TENM4: variants seen among roughly 807,000 people sequenced by gnomAD.
The protein encoded by TENM4 is teneurin transmembrane protein 4.
A neutral mutation model predicts 243.3 loss-of-function variants in TENM4; 82 were observed. That is an observed-to-expected ratio of 0.34 (90% CI 0.28 to 0.40). The LOEUF is 0.40. Ranked by LOEUF, TENM4 falls within the 10% of genes least tolerant of loss-of-function variation. The probability of loss-of-function intolerance (pLI) is 1.00; values close to 1 mark genes in which losing one functional copy is unlikely to be tolerated. For missense variants in TENM4, 3,138 were observed against 3,673.3 expected, an observed-to-expected ratio of 0.85 and a Z score of 3.77; for synonymous variants, 1,412 against 1,456.3, an observed-to-expected ratio of 0.97 and a Z score of 0.69.
intron 2 of TENM4, among the ~76,000 whole-genome samples, chr11:79,267,390 G>T (rs1034420501): frequency 6.6e-6 from 1 of 152,164 alleles, no homozygotes; most frequent in Admixed American, 6.5e-5. Flanking sequence ...AATATGAGAA[G>T]AATGCCAGAA....
chr11:79,374,918 G>C (rs760792432), intron 1 of TENM4, among the ~76,000 whole-genome samples: 1 of 152,192 alleles, frequency 6.6e-6, no homozygotes, highest in Non-Finnish European at 1.5e-5. Flanking sequence ...TGGCTGCAAC[G>C]ACGGGCAAGC....
chr11:78,917,304 G>A (rs1040188714), intron 6 of TENM4, among the ~76,000 whole-genome samples: 2 of 152,130 alleles, frequency 1.3e-5, no homozygotes, highest in Admixed American at 6.5e-5. Flanking sequence ...TACCTTCACC[G>A]AAGAGCGGCC....
Position 79,127,916 on chromosome 11 carries a change from A to G in TENM4, c.-66+20794T>C, listed in dbSNP as rs142802345. ...GCTGCATTTGACCCCTCCTACAACCAAGAAAGAGGCACAATGCCTAGTGGG... is the reference window on the plus strand; with the variant it reads ...GCTGCATTTGACCCCTCCTACAACCGAGAAAGAGGCACAATGCCTAGTGGG... On this transcript the variant is annotated intron_variant, in intron 4 of 33. Coordinates refer to ENST00000278550, the MANE Select transcript of TENM4 (RefSeq NM_001098816.3). Among the ~76,000 whole-genome samples the G allele has an allele frequency of 9.7e-3, 1,482 of 152,330 alleles. 34 individuals carry two copies. Among genetic ancestry groups the G allele is most frequent in the East Asian group, 0.073 (378 of 5,184 alleles).
rs2048441 is a variant in TENM4 at position 79,306,112 on chromosome 11, A to C, written c.-320-8569T>G. Among the ~76,000 whole-genome samples the C allele has an allele frequency of 1.6e-3, 242 of 152,364 alleles. 8 individuals carry two copies. In the South Asian group the frequency reaches 0.036, roughly 22 times the overall value. ...CTGGGCTGCTGCCCTAGCCTGTACC[A>C]GTCCAATTAATTCAATTCCATGCAG... On this transcript the variant is annotated intron_variant, in intron 1 of 33. Transcript: ENST00000278550.
Position 78,805,277 on chromosome 11 carries a change from T to TGCCCA in TENM4, c.2179+14_2179+15insTGGGC. The TGCCCA allele has an allele frequency of 2.1e-6, 3 of 1,402,546 alleles. No homozygotes were observed. Among genetic ancestry groups the TGCCCA allele is most frequent in the Non-Finnish European group, 2.9e-6 (3 of 1,033,114 alleles). The allele number at this position is 1,402,546 out of a possible 1,614,324, so 86.9% of individuals were successfully genotyped here. A position where few individuals can be genotyped will look rare whatever the true frequency, so the allele number is the denominator to read the frequency against. On this transcript the variant is annotated intron_variant, in intron 15 of 33. Transcript: ENST00000278550. ...CCCCTCCCTCTACCCATGCTTCTTC[T>TGCCCA]CCCCCTGCATTTACCGATAGAACAG... is the stretch of plus-strand genomic sequence containing the variant.
intron 3 of TENM4, among the ~76,000 whole-genome samples, chr11:79,170,655 C>T (rs1240018754): frequency 6.6e-6 from 1 of 152,084 alleles, no homozygotes; most frequent in Non-Finnish European, 1.5e-5. Flanking sequence ...CCCAAGGTTG[C>T]CAGCAAACCC....
At chr11:78,959,091 A>G (rs993670584) in intron 6 of TENM4, among the ~76,000 whole-genome samples, 1 of 152,222 alleles carries the variant, frequency 6.6e-6, no homozygotes, top group Non-Finnish European at 1.5e-5. Context: ...AGCAATGGCT[A>G]TAGCTCTCTG....
At chr11:78,802,274 C>T (rs897651628) in intron 15 of TENM4, among the ~76,000 whole-genome samples, 8 of 152,228 alleles carry the variant, frequency 5.3e-5, no homozygotes, top group South Asian at 2.1e-4. Flanking sequence ...CACTGTTCTA[C>T]GTGCATACCA....
chr11:79,429,629 C>G (rs528772476), intron 1 of TENM4, among the ~76,000 whole-genome samples: 14 of 152,208 alleles, frequency 9.2e-5, no homozygotes, highest in Admixed American at 7.2e-4. Context: ...TAGTAGGTAG[C>G]AAAGCAGAGA....
Position 78,771,249 on chromosome 11 carries a change from C to T in TENM4, c.2393-111G>A, listed in dbSNP as rs180891991. 52 of 1,328,826 alleles carry T rather than the reference C, an allele frequency of 3.9e-5. No homozygotes were observed. The African/African-American group carries it at 4.9e-4, about 13-fold the overall frequency. 82.3% of individuals were successfully genotyped at this position (1,328,826 alleles called of 1,614,324 possible). A position where few individuals can be genotyped will look rare whatever the true frequency, so the allele number is the denominator to read the frequency against. On this transcript the variant is annotated intron_variant, in intron 17 of 33. Coordinates refer to ENST00000278550, the MANE Select transcript of TENM4 (RefSeq NM_001098816.3). ...AAATGCCTTCATATCCATCAGCACA[C>T]GAATGCCCACAGCAGCCCAGGGAGG...
At chr11:79,386,228 C>A (rs1222756048) in intron 1 of TENM4, among the ~76,000 whole-genome samples, 1 of 152,186 alleles carries the variant, frequency 6.6e-6, no homozygotes, top group Non-Finnish European at 1.5e-5. Context: ...AAACAATGAA[C>A]CTTGATCACG....
chr11:78,906,080 G>C (rs1856056986), intron 6 of TENM4, among the ~76,000 whole-genome samples: 1 of 152,220 alleles, frequency 6.6e-6, no homozygotes, highest in Non-Finnish European at 1.5e-5. Flanking sequence ...AGAGAAGTGT[G>C]ACCCAGTCCT....
intron 19 of TENM4, among the ~76,000 whole-genome samples, chr11:78,742,473 C>T (rs1345361172): frequency 2.0e-5 from 3 of 152,136 alleles, no homozygotes; most frequent in South Asian, 2.1e-4. Context: ...GTATGAATTA[C>T]GATCTCCACT....
rs546658115 is a variant in TENM4 at position 79,187,577 on chromosome 11, A to T, written c.-163+28231T>A. ...GACACTAGTGAGACTCTACAAGGAA[A>T]GGAATTTTACTCAATTTGTTATGAG... On this transcript the variant is annotated intron_variant, in intron 3 of 33. Transcript: ENST00000278550. Among the ~76,000 whole-genome samples, 11 of 152,338 alleles carry T rather than the reference A, an allele frequency of 7.2e-5. No homozygotes were observed. In the East Asian group the frequency reaches 1.9e-3, roughly 27 times the overall value.
intron 7 of TENM4, among the ~76,000 whole-genome samples, chr11:78,898,634 G>A (rs1565429479): frequency 6.6e-6 from 1 of 152,062 alleles, no homozygotes; most frequent in Non-Finnish European, 1.5e-5. Context: ...GGTCTTCCAG[G>A]AAGCCTTCCT....
intron 1 of TENM4, among the ~76,000 whole-genome samples, chr11:79,298,387 C>T (rs184613072): frequency 0.03 from 4,506 of 150,834 alleles, 213 homozygotes; most frequent in African/African-American, 0.1. Flanking sequence ...CGGTGGCGGG[C>T]GCCTGTAGTC....
chr11:78,905,328 C>A (rs909577589), intron 6 of TENM4, among the ~76,000 whole-genome samples: 1 of 152,114 alleles, frequency 6.6e-6, no homozygotes, highest in African/African-American at 2.4e-5. Flanking sequence ...TAAGATGCAT[C>A]ACTCTGCTTT....
At chr11:78,975,529 A>G (rs774767358) in intron 6 of TENM4, among the ~76,000 whole-genome samples, 1 of 151,954 alleles carries the variant, frequency 6.6e-6, no homozygotes, top group Non-Finnish European at 1.5e-5. Context: ...TGGTACTGAG[A>G]TTTGACTAAG....
intron 2 of TENM4, among the ~76,000 whole-genome samples, chr11:79,277,792 C>T (rs1274350009): frequency 6.6e-6 from 1 of 152,110 alleles, no homozygotes; most frequent in East Asian, 1.9e-4. Context: ...TTGGCCCTGA[C>T]TCTTGGAGTC....
Sources: allele counts gnomAD v4.1 joint callset (sites outside exome capture counted in the v4.1 genomes callset), GRCh38; gene constraint gnomAD v4.1.1; transcripts MANE v1.5; gene names NCBI Gene and HGNC (gene_info 2026-07-23, HGNC 2026-07-21).